ANXA13: variants seen among roughly 807,000 people sequenced by gnomAD.
ANXA13 encodes the protein annexin A13, also known as annexin XIII.
In ANXA13, 36 loss-of-function variants were observed where a neutral mutation model predicts 46.6. The ratio of observed to expected loss-of-function variants is 0.77; its 90% CI spans 0.59 to 1.02. The LOEUF (loss-of-function observed/expected upper bound fraction) is 1.02, where lower values mean the gene tolerates loss of function less well. Among genes scored for constraint, ANXA13 ranks in the 50% least tolerant of loss-of-function variants. The probability of loss-of-function intolerance (pLI) is 0.00; values close to 1 mark genes in which losing one functional copy is unlikely to be tolerated. For missense variants in ANXA13, 417 were observed against 396.5 expected, an observed-to-expected ratio of 1.05 and a Z score of -0.44; for synonymous variants, 163 against 152.9, an observed-to-expected ratio of 1.07 and a Z score of -0.49.
chr8:123,682,033 C>T (rs1813048646), intron 10 of ANXA13, among the ~76,000 whole-genome samples: 2 of 152,148 alleles, frequency 1.3e-5, no homozygotes, highest in South Asian at 4.1e-4. Flanking sequence ...CAGGACTGTA[C>T]ACAACCTGGC....
chr8:123,688,875 A>T lies in ANXA13; in HGVS notation c.714T>A (p.Thr238=), dbSNP rs1185060261. 1.2e-6 allele frequency: 2 copies of T among 1,613,576 alleles called. No homozygotes were observed. The highest frequency in any genetic ancestry group is 1.3e-5 in the African/African-American group (1 of 74,866). Residue 238 remains threonine (T), a synonymous_variant, in exon 9 of 11, where the codon ACT becomes ACA. Transcript: ENST00000419625. ...GCTCTCCTAACTTTACTTTACCGAG[A>T]GTTAAATAGGCCTTCTGCAAGTCGC... ...TSGDLQKAYL[T]LVRCAQDCED...
chr8:123,711,114 C>T (rs1163192110), intron 2 of ANXA13, among the ~76,000 whole-genome samples: 1 of 152,178 alleles, frequency 6.6e-6, no homozygotes, highest in Non-Finnish European at 1.5e-5. Context: ...TGTTGGTCGT[C>T]TCCCCCTTCT....
intron 8 of ANXA13, among the ~76,000 whole-genome samples, chr8:123,691,518 A>C (rs1482784319): frequency 6.6e-6 from 1 of 152,210 alleles, no homozygotes; most frequent in Non-Finnish European, 1.5e-5. Context: ...CGCCTACTGC[A>C]TGCCAGGGAC....
At chr8:123,691,458 A>G (rs896505791) in intron 8 of ANXA13, among the ~76,000 whole-genome samples, 2 of 152,186 alleles carry the variant, frequency 1.3e-5, no homozygotes, top group Non-Finnish European at 2.9e-5. Flanking sequence ...GATTTTTGGC[A>G]CTGTCTGTTC....
rs1167928900 is a variant in ANXA13 at position 123,681,247 on chromosome 8, A to T, written c.944T>A (p.Leu315Ter). ...GDFRKLLVAL[L>*]H The stretch of plus-strand genomic sequence containing the variant: ...CTATTGCCCTGGCTTGGCTCAGTGC[A>T]AGAGGGCTACTAGCAGTTTCCGGAA... The change falls in exon 11 of 11, where the codon TTG (leucine) becomes TAG (stop). Residue 315 changes from leucine to a stop codon, truncating the protein, a stop_gained. Transcript: ENST00000419625. LOFTEE classifies it high-confidence loss of function. 1.2e-6 allele frequency: 2 copies of T among 1,613,356 alleles called. No individual in the cohort carries two copies. The highest frequency in any genetic ancestry group is 2.7e-5 in the African/African-American group (2 of 74,930).
chr8:123,734,670 A>G lies in ANXA13; in HGVS notation c.15+2650T>C, dbSNP rs74343217. On this transcript the variant is annotated intron_variant, in intron 1 of 10. Transcript: ENST00000419625. ...ACTGGCTCTGCAATAATAGTTGTCA[A>G]TTATCTATGGGCCCTGGTCTGTGGA... Among the ~76,000 whole-genome samples, 1,363 of 151,660 alleles carry G rather than the reference A, an allele frequency of 9.0e-3. 20 individuals carry two copies. The highest frequency in any genetic ancestry group is 0.031 in the African/African-American group (1,295 of 41,294).
chr8:123,695,697 A>T lies in ANXA13; in HGVS notation c.382T>A (p.Tyr128Asn). 6.2e-7 allele frequency: 1 copy of T among 1,613,772 alleles called. No individual in the cohort carries two copies. Among genetic ancestry groups the T allele is most frequent in the Non-Finnish European group, 8.5e-7 (1 of 1,179,736 alleles). ...NKEIIAIKEA[Y>N]QRLFDRSLES... ...ATGAAAAGTCACTTACGCCTTTGGT[A>T]GGCCTCTTTAATGGCGATGATTTCC... is the stretch of plus-strand genomic sequence containing the variant. The change falls in exon 5 of 11, where the codon TAC becomes AAC. Residue 128 changes from tyrosine to asparagine, a missense_variant. Coordinates refer to ENST00000419625, the MANE Select transcript of ANXA13 (RefSeq NM_004306.4).
intron 8 of ANXA13, 24 bp from the exon 9 acceptor site, chr8:123,688,970 T>C (rs755318427): frequency 1.2e-5 from 20 of 1,612,030 alleles, no homozygotes; most frequent in East Asian, 4.5e-5. Context: ...CAAAATCAAC[T>C]GTTATTCCAG....
intron 7 of ANXA13, among the ~76,000 whole-genome samples, 162 bp from the exon 8 acceptor site, chr8:123,693,460 A>T (rs1354286309): frequency 2.0e-5 from 3 of 152,252 alleles, no homozygotes; most frequent in African/African-American, 7.2e-5. Flanking sequence ...TGTATTTCAC[A>T]TACTTATTTA....
chr8:123,688,980 G>A (rs1361705257), intron 8 of ANXA13, 34 bp from the exon 9 acceptor site: 2 of 1,608,696 alleles, frequency 1.2e-6, no homozygotes, highest in East Asian at 4.5e-5. Flanking sequence ...TGTTATTCCA[G>A]GTTTGCCTTT....
At chr8:123,720,232 A>G (rs1363329411) in intron 1 of ANXA13, among the ~76,000 whole-genome samples, 1 of 152,190 alleles carries the variant, frequency 6.6e-6, no homozygotes, top group East Asian at 1.9e-4. Context: ...CTGTACACTG[A>G]TCTACAGAGA....
chr8:123,707,672 A>G (rs886612742), intron 2 of ANXA13, among the ~76,000 whole-genome samples: 3 of 152,122 alleles, frequency 2.0e-5, no homozygotes, highest in Admixed American at 1.3e-4. Context: ...AGGGAGGGGA[A>G]CATCATACAC....
intron 2 of ANXA13, among the ~76,000 whole-genome samples, chr8:123,707,708 A>T (rs553934100): frequency 6.6e-6 from 1 of 152,164 alleles, no homozygotes; most frequent in South Asian, 2.1e-4. Context: ...GGTCAGGGGC[A>T]AGGGGAGGGA....
chr8:123,694,829 C>A (rs1403182445), intron 6 of ANXA13, among the ~76,000 whole-genome samples: 1 of 152,184 alleles, frequency 6.6e-6, no homozygotes, highest in Non-Finnish European at 1.5e-5. Context: ...TGTTATGCAG[C>A]AAGAGAAAAC....
chr8:123,685,734 T>C (rs1586311057), intron 9 of ANXA13, among the ~76,000 whole-genome samples: 1 of 152,184 alleles, frequency 6.6e-6, no homozygotes, highest in Admixed American at 6.5e-5. Context: ...TTACAGGCCA[T>C]GTGGCAGCTG....
At chr8:123,694,018 T>G (rs1229339173) in intron 6 of ANXA13, among the ~76,000 whole-genome samples, 5 of 146,320 alleles carry the variant, frequency 3.4e-5, no homozygotes, top group African/African-American at 7.6e-5. Context: ...GAAACCAGAG[T>G]CACCCACACA....
At chr8:123,736,647 C>T (rs1056844381) in intron 1 of ANXA13, among the ~76,000 whole-genome samples, 2 of 152,190 alleles carry the variant, frequency 1.3e-5, no homozygotes, top group African/African-American at 4.8e-5. Context: ...ATCTTTCCCA[C>T]ATAACTCTGA....
At position 123,716,386 on chromosome 8, in the gene ANXA13, T is replaced by A. The variant is rs1813759281; in HGVS notation, c.16-3633A>T. ...AGGCGTGAGCCACCTTAACAAATAA[T>A]GTGGGGTAGGACTCTCTATCAGAGG... On this transcript the variant is annotated intron_variant, in intron 1 of 10. Coordinates refer to ENST00000419625, the MANE Select transcript of ANXA13 (RefSeq NM_004306.4). Among the ~76,000 whole-genome samples, 5 of 152,062 alleles carry A rather than the reference T, an allele frequency of 3.3e-5. No homozygotes were observed. The South Asian group carries it at 1.0e-3, about 31-fold the overall frequency.
intron 9 of ANXA13, among the ~76,000 whole-genome samples, chr8:123,688,583 G>C (rs1166803663): frequency 6.6e-6 from 1 of 152,136 alleles, no homozygotes; most frequent in African/African-American, 2.4e-5. Flanking sequence ...CTTGCCCAAA[G>C]TTGCACTGCT....
Sources: allele counts gnomAD v4.1 joint callset (sites outside exome capture counted in the v4.1 genomes callset), GRCh38; gene constraint gnomAD v4.1.1; transcripts MANE v1.5; gene names NCBI Gene and HGNC (gene_info 2026-07-23, HGNC 2026-07-21).